The following HS6ST2 variants were observed in gnomAD, a reference collection of about 807,000 sequenced individuals.
The protein encoded by HS6ST2 is heparan-sulfate 6-O-sulfotransferase 2.
HS6ST2 carries 17 observed loss-of-function variants against 33.0 expected under a neutral mutation model. The ratio of observed to expected loss-of-function variants is 0.52; its 90% CI spans 0.35 to 0.77. The LOEUF (loss-of-function observed/expected upper bound fraction) is 0.77. HS6ST2 is among the 30% of genes least tolerant of loss of function. The pLI is 0.01. For missense variants in HS6ST2, 519 were observed against 551.7 expected, an observed-to-expected ratio of 0.94 and a Z score of 0.59; for synonymous variants, 248 against 237.1, an observed-to-expected ratio of 1.05 and a Z score of -0.42.
At chrX:132,718,296 A>G (rs1053164503) in intron 2 of HS6ST2, among the ~76,000 whole-genome samples, 10 of 111,367 alleles carry the variant, frequency 9.0e-5, no homozygotes, top group African/African-American at 3.3e-4. Context: ...AGCTGTACTA[A>G]CTGTATTTCA....
chrX:132,692,749 C>A (rs1459788094), intron 3 of HS6ST2, among the ~76,000 whole-genome samples: 2 of 112,169 alleles, frequency 1.8e-5, no homozygotes, highest in Admixed American at 9.4e-5. Flanking sequence ...CAGGCAACAA[C>A]AAATTGCTTC....
At chrX:132,651,084 G>C (rs1186235637) in intron 4 of HS6ST2, among the ~76,000 whole-genome samples, 1 of 111,794 alleles carries the variant, frequency 8.9e-6, no homozygotes, top group Non-Finnish European at 1.9e-5. Flanking sequence ...ATGCTTAATG[G>C]CATTATTTCT....
At chrX:132,794,574 G>GATGATGATGATGATGATGATTATT (rs916088563) in intron 2 of HS6ST2, among the ~76,000 whole-genome samples, 18 of 99,068 alleles carry the variant, frequency 1.8e-4, no homozygotes, top group African/African-American at 6.7e-4. Context: ...TGATGATGAT[G>GATGATGATGATGATGATGATTATT]ATTATTATTA....
chrX:132,836,600 A>C lies in HS6ST2; in HGVS notation c.947+120208T>G, dbSNP rs1462791683. ...GCACACACTTCAACACAGGTTCAACATATCTCATAGAAGTGTCCACTCTCA... is the reference window on the plus strand; with the variant it reads ...GCACACACTTCAACACAGGTTCAACCTATCTCATAGAAGTGTCCACTCTCA... On this transcript the variant is annotated intron_variant, in intron 2 of 4. Coordinates refer to ENST00000370833, the MANE Select transcript of HS6ST2 (RefSeq NM_001394073.1). Among the ~76,000 whole-genome samples the C allele has an allele frequency of 2.7e-5, 3 of 112,836 alleles. No homozygotes were observed. In the Admixed American group the frequency reaches 2.8e-4, roughly 11 times the overall value.
chrX:132,946,217 T>C (rs1602918285), intron 2 of HS6ST2, among the ~76,000 whole-genome samples: 1 of 111,766 alleles, frequency 8.9e-6, no homozygotes, highest in Non-Finnish European at 1.9e-5. Context: ...AGTGTGGTGA[T>C]TCCTCAAGGA....
chrX:132,947,798 C>G (rs1237384295), intron 2 of HS6ST2, among the ~76,000 whole-genome samples: 4 of 111,406 alleles, frequency 3.6e-5, no homozygotes, highest in Non-Finnish European at 7.5e-5. Flanking sequence ...ATCAAAGAGC[C>G]CTTTAAAAGT....
intron 2 of HS6ST2, among the ~76,000 whole-genome samples, chrX:132,797,366 C>T (rs747129481): frequency 3.6e-5 from 4 of 111,675 alleles, no homozygotes; most frequent in South Asian, 7.7e-4. Flanking sequence ...TTCAGACTGC[C>T]GAACTGCAGA....
chrX:132,821,253 C>A, intron 2 of HS6ST2, among the ~76,000 whole-genome samples: 1 of 101,280 alleles, frequency 9.9e-6, no homozygotes, highest in African/African-American at 3.6e-5. Flanking sequence ...CTCTCTGTCG[C>A]CCAGGCTGGA....
chrX:132,892,175 C>T (rs1478889020), intron 2 of HS6ST2, among the ~76,000 whole-genome samples: 2 of 112,117 alleles, frequency 1.8e-5, no homozygotes, highest in Non-Finnish European at 3.8e-5. Context: ...GTTGATAAAA[C>T]ATTTTGTTCT....
chrX:132,707,159 T>C (rs1403065635), intron 3 of HS6ST2, among the ~76,000 whole-genome samples: 1 of 112,514 alleles, frequency 8.9e-6, no homozygotes, highest in African/African-American at 3.2e-5. Context: ...ACCTATGTTA[T>C]TGACCATTGT....
At chrX:132,713,792 G>A (rs912697947) in intron 2 of HS6ST2, among the ~76,000 whole-genome samples, 11 of 110,243 alleles carry the variant, frequency 1.0e-4, no homozygotes, top group Non-Finnish European at 1.9e-4. Flanking sequence ...GCCCTCCCCC[G>A]AGATACTAAA....
chrX:132,942,781 G>C (rs765036910), intron 2 of HS6ST2, among the ~76,000 whole-genome samples: 4 of 111,811 alleles, frequency 3.6e-5, no homozygotes, highest in Non-Finnish European at 7.5e-5. Flanking sequence ...ATAGAAACAG[G>C]TCACAATTGG....
chrX:132,631,810 A>T (rs1481417496), intron 4 of HS6ST2, among the ~76,000 whole-genome samples: 5 of 111,213 alleles, frequency 4.5e-5, no homozygotes, highest in Non-Finnish European at 9.4e-5. Context: ...GTAAATATTA[A>T]GAGTGCACCA....
intron 2 of HS6ST2, among the ~76,000 whole-genome samples, chrX:132,780,689 T>G (rs1041878965): frequency 9.0e-6 from 1 of 111,373 alleles, no homozygotes; most frequent in African/African-American, 3.3e-5. Flanking sequence ...GGAGTTGTTG[T>G]GAGAATGACA....
At chrX:132,770,419 CA>C (rs1462221899) in intron 2 of HS6ST2, among the ~76,000 whole-genome samples, 1 of 111,875 alleles carries the variant, frequency 8.9e-6, no homozygotes, top group Non-Finnish European at 1.9e-5. Context: ...CAAGCTCTGA[CA>C]CATAACAGAG....
In HS6ST2 at chrX:132,778,716, G is replaced by C. The variant is rs751300200; in HGVS notation, c.948-70222C>G. Among the ~76,000 whole-genome samples, 7 of 111,111 alleles carry C rather than the reference G, an allele frequency of 6.3e-5. No individual in the cohort carries two copies. The South Asian group carries it at 2.7e-3, about 42-fold the overall frequency. ...AAATGTTTTTACCTTCTACTAATTA[G>C]AGAGGACTTGGGAGGTAGTATGTGA... On this transcript the variant is annotated intron_variant, in intron 2 of 4. Coordinates refer to ENST00000370833, the MANE Select transcript of HS6ST2 (RefSeq NM_001394073.1).
chrX:132,776,507 T>C (rs1341822794), intron 2 of HS6ST2, among the ~76,000 whole-genome samples: 1 of 111,722 alleles, frequency 9.0e-6, no homozygotes, highest in Non-Finnish European at 1.9e-5. Context: ...ATTAGGAATC[T>C]GTGTTCACTA....
intron 3 of HS6ST2, among the ~76,000 whole-genome samples, chrX:132,685,519 T>C (rs1397308498): frequency 2.7e-5 from 3 of 111,388 alleles, no homozygotes; most frequent in South Asian, 7.7e-4. Flanking sequence ...ACCCAATGCA[T>C]GCTGGTCCTC....
intron 2 of HS6ST2, among the ~76,000 whole-genome samples, chrX:132,860,966 T>G (rs1201878889): frequency 1.8e-5 from 2 of 108,395 alleles, no homozygotes; most frequent in African/African-American, 6.7e-5. Context: ...AATTTTTGTA[T>G]TTTTTTAGTA....
Sources: gnomAD v4.1 joint callset for allele counts (sites outside exome capture counted in the v4.1 genomes callset) on GRCh38, gnomAD v4.1.1 for gene constraint, MANE v1.5 for transcripts, NCBI Gene and HGNC (gene_info 2026-07-23, HGNC 2026-07-21) for gene names.